NR3C2: variants seen among roughly 807,000 people sequenced by gnomAD.
The protein encoded by NR3C2 is mineralocorticoid receptor.
A neutral mutation model predicts 86.4 loss-of-function variants in NR3C2; 15 were observed. The observed-to-expected ratio is 0.17, with a 90% confidence interval of 0.12 to 0.27. NR3C2 has a LOEUF of 0.27. Ranked by LOEUF, NR3C2 falls within the 10% of genes least tolerant of loss-of-function variation. NR3C2 has a pLI of 1.00. For synonymous variants in NR3C2, 458 were observed against 450.5 expected, an observed-to-expected ratio of 1.02 and a Z score of -0.21; for missense variants, 960 against 1,195.6, an observed-to-expected ratio of 0.80 and a Z score of 2.91.
chr4:148,112,124 A>G (rs567224248), intron 8 of NR3C2, among the ~76,000 whole-genome samples: 43 of 146,392 alleles, frequency 2.9e-4, no homozygotes, highest in African/African-American at 9.6e-4. Flanking sequence ...CTGGTGGGGG[A>G]AAAAAAAAAA....
chr4:148,208,097 C>T (rs1737097362), intron 3 of NR3C2: 1 of 152,250 alleles, frequency 6.6e-6, no homozygotes, highest in Non-Finnish European at 1.5e-5. Context: ...TGGAACACAA[C>T]TGGCGCTCAA....
intron 6 of NR3C2, among the ~76,000 whole-genome samples, chr4:148,135,919 T>C (rs1733286840): frequency 7.6e-6 from 1 of 131,368 alleles, no homozygotes; most frequent in South Asian, 2.5e-4. Context: ...TAGCCGGGCA[T>C]AGTGGCGGGC....
chr4:148,369,506 A>G (rs990337757), intron 2 of NR3C2, among the ~76,000 whole-genome samples: 1 of 152,238 alleles, frequency 6.6e-6, no homozygotes, highest in Non-Finnish European at 1.5e-5. Context: ...TTAGAGCTAG[A>G]TTAAAAAATA....
intron 6 of NR3C2, among the ~76,000 whole-genome samples, chr4:148,142,002 G>A (rs1001034953): frequency 7.9e-5 from 12 of 152,152 alleles, no homozygotes; most frequent in African/African-American, 2.9e-4. Flanking sequence ...CAAGTCAGCA[G>A]CGAGAAAGTA....
At chr4:148,153,973 T>A (rs1419296226) in intron 5 of NR3C2, among the ~76,000 whole-genome samples, 1 of 152,112 alleles carries the variant, frequency 6.6e-6, no homozygotes, top group Non-Finnish European at 1.5e-5. Context: ...TCCATTTTGA[T>A]CAACATAAGA....
chr4:148,363,889 C>T (rs550677570), intron 2 of NR3C2, among the ~76,000 whole-genome samples: 10 of 152,232 alleles, frequency 6.6e-5, no homozygotes, highest in South Asian at 2.1e-4. Flanking sequence ...TTCAGTCTCT[C>T]GTGTCAATGG....
At chr4:148,442,605 C>T (rs1037490875), upstream of NR3C2, 3 of 978,782 alleles carry the variant, frequency 3.1e-6, no homozygotes, top group African/African-American at 5.3e-5. Context: ...AGAAGCAAGG[C>T]TCCACGCCGC....
chr4:148,156,729 T>C (rs1458904517), intron 4 of NR3C2, among the ~76,000 whole-genome samples: 1 of 152,174 alleles, frequency 6.6e-6, no homozygotes, highest in Non-Finnish European at 1.5e-5. Flanking sequence ...AGTTCAACCA[T>C]TGTGGAAGTC....
intron 2 of NR3C2, among the ~76,000 whole-genome samples, chr4:148,274,608 T>G (rs1473155406): frequency 6.6e-6 from 1 of 152,152 alleles, no homozygotes; most frequent in Non-Finnish European, 1.5e-5. Flanking sequence ...CTGCCATGAT[T>G]GTAAGTTTCC....
At chr4:148,199,354 C>G (rs999106808) in intron 3 of NR3C2, among the ~76,000 whole-genome samples, 1 of 152,154 alleles carries the variant, frequency 6.6e-6, no homozygotes, top group Non-Finnish European at 1.5e-5. Flanking sequence ...AAAGCCAGGA[C>G]TGTCCTATCT....
chr4:148,355,613 G>A (rs775613744), intron 2 of NR3C2, among the ~76,000 whole-genome samples: 1 of 152,108 alleles, frequency 6.6e-6, no homozygotes, highest in Non-Finnish European at 1.5e-5. Flanking sequence ...GGATGCTCTG[G>A]CATCTGCAGC....
intron 2 of NR3C2, among the ~76,000 whole-genome samples, chr4:148,319,366 T>C (rs1436950463): frequency 6.6e-6 from 1 of 152,206 alleles, no homozygotes; most frequent in Non-Finnish European, 1.5e-5. Flanking sequence ...GTGGGCTCTT[T>C]TCTGGTTCCA....
At position 148,435,722 on chromosome 4, in the gene NR3C2, A is replaced by T; in HGVS notation, c.1139T>A (p.Val380Glu). ...QEVPFPKTEEVESAISNGVTG... is the reference protein window; with the variant it reads ...QEVPFPKTEEEESAISNGVTG... ...CACACCATTTGAGATGGCACTCTCT[A>T]CTTCCTCAGTCTTAGGAAAAGGGAC... The change falls in exon 2 of 9, where the codon GTA becomes GAA. Residue 380 changes from valine (V) to glutamate (E), a missense_variant. Val to Glu is a moderately radical substitution (Grantham distance 121, BLOSUM62 -2). This residue lies in a region of NR3C2 where 680 missense variants were observed against 719.0 expected (regional missense o/e 0.95). Transcript: ENST00000358102. The T allele has an allele frequency of 6.2e-7, 1 of 1,614,158 alleles. No homozygotes were observed. Among genetic ancestry groups the T allele is most frequent in the Non-Finnish European group, 8.5e-7 (1 of 1,180,028 alleles).
intron 3 of NR3C2, among the ~76,000 whole-genome samples, chr4:148,213,251 A>G (rs1408262814): frequency 6.6e-6 from 1 of 152,192 alleles, no homozygotes; most frequent in Non-Finnish European, 1.5e-5. Context: ...GACTGATTAA[A>G]TAGCTGTACA....
chr4:148,252,921 G>A (rs1169785548), intron 3 of NR3C2, among the ~76,000 whole-genome samples: 1 of 152,010 alleles, frequency 6.6e-6, no homozygotes, highest in Non-Finnish European at 1.5e-5. Context: ...CATAAACTTG[G>A]GAAATAATTT....
intron 3 of NR3C2, among the ~76,000 whole-genome samples, chr4:148,198,914 AC>A (rs1480568607): frequency 6.6e-6 from 1 of 151,652 alleles, no homozygotes; most frequent in Non-Finnish European, 1.5e-5. Context: ...CCCCATCTCT[AC>A]TAAAAATATA....
chr4:148,399,961 G>A (rs1193195393), intron 2 of NR3C2, among the ~76,000 whole-genome samples: 2 of 152,094 alleles, frequency 1.3e-5, no homozygotes, highest in African/African-American at 2.4e-5. Flanking sequence ...ATCAATGAAC[G>A]GTGATTTAAC....
chr4:148,212,330 T>A (rs1415843783), intron 3 of NR3C2, among the ~76,000 whole-genome samples: 1 of 152,342 alleles, frequency 6.6e-6, no homozygotes, highest in African/African-American at 2.4e-5. Flanking sequence ...GGTGGGGATA[T>A]CTTATGCATC....
chr4:148,197,642 T>TA (rs200319323), intron 3 of NR3C2, among the ~76,000 whole-genome samples: 10 of 151,538 alleles, frequency 6.6e-5, no homozygotes, highest in East Asian at 5.8e-4. Flanking sequence ...AAAAGGATTT[T>TA]AAAAAAAAAT....
Sources: allele counts gnomAD v4.1 joint callset (sites outside exome capture counted in the v4.1 genomes callset), GRCh38; gene constraint gnomAD v4.1.1; regional missense constraint gnomAD v4.1.1; transcripts MANE v1.5; gene names NCBI Gene and HGNC (gene_info 2026-07-23, HGNC 2026-07-21).